The following WDFY4 variants were observed in gnomAD, a reference collection of about 807,000 sequenced individuals.
WDFY4 encodes WDFY family member 4.
A neutral mutation model predicts 351.9 loss-of-function variants in WDFY4; 169 were observed. The ratio of observed to expected loss-of-function variants is 0.48; its 90% CI spans 0.42 to 0.55. The LOEUF (loss-of-function observed/expected upper bound fraction) is 0.55, where lower values mean the gene tolerates loss of function less well. Ranked by LOEUF, WDFY4 falls within the 20% of genes least tolerant of loss-of-function variation. The probability of loss-of-function intolerance (pLI) is 0.00; values close to 1 mark genes in which losing one functional copy is unlikely to be tolerated. For synonymous variants in WDFY4, 1,622 were observed against 1,574.6 expected (o/e 1.03, Z -0.71); for missense variants, 3,803 against 3,935.6 (o/e 0.97, Z 0.90).
chr10:48,789,139 T>C (rs541474605), intron 21 of WDFY4, among the ~76,000 whole-genome samples: 2 of 151,926 alleles, frequency 1.3e-5, no homozygotes, highest in South Asian at 4.2e-4. Context: ...TCCTGAGTAG[T>C]TGGGATTACA....
At chr10:48,948,479 C>T (rs940388702) in intron 51 of WDFY4, among the ~76,000 whole-genome samples, 1 of 152,182 alleles carries the variant, frequency 6.6e-6, no homozygotes, top group African/African-American at 2.4e-5. Flanking sequence ...TTGGAGTTTC[C>T]TGTTGCCCCT....
At chr10:48,909,385 TA>T (rs1837804478) in intron 47 of WDFY4, 2 of 152,234 alleles carry the variant, frequency 1.3e-5, no homozygotes, top group African/African-American at 4.8e-5. Context: ...TAGTATTTTT[TA>T]GCATATTTTT....
chr10:48,913,913 G>A (rs760051660), intron 47 of WDFY4: 1 of 1,614,154 alleles, frequency 6.2e-7, no homozygotes, highest in Non-Finnish European at 8.5e-7. Context: ...TGTAGTTGCT[G>A]TGCAGGTCCA....
intron 13 of WDFY4, 68 bp downstream of exon 13, chr10:48,760,508 C>T: frequency 6.8e-7 from 1 of 1,479,326 alleles, no homozygotes. Flanking sequence ...CCTTCTGACC[C>T]AAGACAGCTT....
chr10:48,741,448 G>T (rs992403462), intron 11 of WDFY4, among the ~76,000 whole-genome samples: 1 of 56,074 alleles, frequency 1.8e-5, no homozygotes, highest in Admixed American at 3.3e-4. Flanking sequence ...GCAAGACTCC[G>T]TCTCAAAAAA....
chr10:48,780,013 T>C lies in WDFY4; in HGVS notation c.3470T>C (p.Leu1157Pro), dbSNP rs1460882839. 6.4e-7 allele frequency: 1 copy of C among 1,551,872 alleles called. No individual in the cohort carries two copies. Among genetic ancestry groups the C allele is most frequent in the South Asian group, 1.2e-5 (1 of 84,066 alleles). ...CQLQVRCGQL[L>P]ACGQWHHLAV... ...CTTCAGGTCAGGTGTGGCCAGCTCC[T>C]GGCTTGTGGTCAGTGGCATCACTTG... The change falls in exon 19 of 62, where the codon CTG becomes CCG. Residue 1157 changes from leucine (L) to proline (P), a missense_variant. Transcript: ENST00000325239.
chr10:48,798,212 C>T (rs1420626436), intron 24 of WDFY4, among the ~76,000 whole-genome samples: 7 of 152,020 alleles, frequency 4.6e-5, no homozygotes, highest in Middle Eastern at 3.4e-3. Context: ...TTCGGTTCAA[C>T]GTCTAACTTC....
Position 48,796,404 on chromosome 10 carries a change from C to G in WDFY4, c.4364C>G (p.Ala1455Gly). The change falls in exon 24 of 62, where the codon GCT becomes GGT. Residue 1455 changes from alanine to glycine, a missense_variant. Coordinates refer to ENST00000325239, the MANE Select transcript of WDFY4 (RefSeq NM_001394531.1). ...GTGGAGCTGGGCTTCAGGTCATCTG[C>G]TATCACCAACACTGGTGTCTTCCAG... ...GTVELGFRSS[A>G]ITNTGVFQHI... 6.4e-7 allele frequency: 1 copy of G among 1,552,134 alleles called. No individual in the cohort carries two copies. The highest frequency in any genetic ancestry group is 8.7e-7 in the Non-Finnish European group (1 of 1,147,104).
At position 48,975,289 on chromosome 10, in the gene WDFY4, A is replaced by G. The variant is rs1242060864; in HGVS notation, c.9108+248A>G. 4 of 601,152 alleles carry G rather than the reference A, an allele frequency of 6.7e-6. No homozygotes were observed. In the East Asian group the frequency reaches 1.2e-4, roughly 18 times the overall value. 37.2% of individuals were successfully genotyped at this position (601,152 alleles called of 1,614,324 possible). On this transcript the variant is annotated intron_variant, in intron 58 of 61. Transcript: ENST00000325239. ...AAGTGTCTGCTTTGCTGCGGGCACC[A>G]GGGGGCTGCAGCTGAAAAATTGGCT...
intron 57 of WDFY4, among the ~76,000 whole-genome samples, chr10:48,973,955 T>A (rs1252768438): frequency 2.6e-5 from 4 of 152,200 alleles, no homozygotes; most frequent in African/African-American, 9.6e-5. Flanking sequence ...CCTCCCCTTT[T>A]CTTCTTCCCA....
intron 5 of WDFY4, among the ~76,000 whole-genome samples, chr10:48,725,389 T>C (rs986411324): frequency 6.6e-6 from 1 of 151,932 alleles, no homozygotes; most frequent in Non-Finnish European, 1.5e-5. Flanking sequence ...AGAGGGAGGT[T>C]TTGCAAGTCC....
rs1415792273 is a variant in WDFY4, at chr10:48,811,626, A to G, written c.5132A>G (p.His1711Arg). 1.9e-6 allele frequency: 3 copies of G among 1,551,898 alleles called. No homozygotes were observed. Among genetic ancestry groups the G allele is most frequent in the Non-Finnish European group, 2.6e-6 (3 of 1,147,064 alleles). Residue 1711 changes from histidine to arginine, a missense_variant, in exon 30 of 62, where the codon CAC (histidine) becomes CGC (arginine). By Grantham distance (29) the His-to-Arg change is conservative. Transcript: ENST00000325239. ...GTCTTGAATGACTTTCTGGCCCACC[A>G]CGTCCACATTCCAGAGGTCTACCTC... The part of the protein sequence containing the change: ...FRVLNDFLAH[H>R]VHIPEVYLIV...
At chr10:48,769,594 G>A (rs940612045) in intron 13 of WDFY4, among the ~76,000 whole-genome samples, 3 of 152,160 alleles carry the variant, frequency 2.0e-5, no homozygotes, top group Non-Finnish European at 4.4e-5. Flanking sequence ...CAGGCACTGG[G>A]CCTCTCTGGT....
At chr10:48,871,177 C>T (rs12260981) in intron 40 of WDFY4, among the ~76,000 whole-genome samples, 3,723 of 152,202 alleles carry the variant, frequency 0.024, 159 homozygotes, top group African/African-American at 0.084. Flanking sequence ...CCTCGTGATC[C>T]GCCTGCCTCA....
At chr10:48,743,892 G>C (rs529119778) in intron 12 of WDFY4, among the ~76,000 whole-genome samples, 1 of 152,230 alleles carries the variant, frequency 6.6e-6, no homozygotes, top group African/African-American at 2.4e-5. Context: ...GGGTGTGCCA[G>C]GCAGCCTCGG....
chr10:48,964,048 C>G lies in WDFY4; in HGVS notation c.8430C>G (p.Pro2810=). The G allele has an allele frequency of 6.5e-7, 1 of 1,549,708 alleles. No homozygotes were observed. Among genetic ancestry groups the G allele is most frequent in the Non-Finnish European group, 8.7e-7 (1 of 1,146,874 alleles). The change falls in exon 54 of 62, where the codon CCC becomes CCG. Residue 2810 remains proline, a synonymous_variant. Coordinates refer to ENST00000325239, the MANE Select transcript of WDFY4 (RefSeq NM_001394531.1). ...TTGTCAGCAACTTTGGACAGGTGCC[C>G]AAACAGGTACAGCATGCCTTGTCAT... is the stretch of plus-strand genomic sequence containing the variant. ...LGFVSNFGQV[P]KQLFTKPHPA... is the part of the protein sequence containing the mutation.
intron 1 of WDFY4, among the ~76,000 whole-genome samples, chr10:48,691,006 C>A (rs2063179396): frequency 6.6e-6 from 1 of 152,210 alleles, no homozygotes; most frequent in Admixed American, 6.5e-5. Flanking sequence ...CCCCTGCTGC[C>A]TTCCATGGTG....
intron 12 of WDFY4, among the ~76,000 whole-genome samples, chr10:48,757,605 A>C (rs2065374758): frequency 6.6e-6 from 1 of 151,752 alleles, no homozygotes; most frequent in Non-Finnish European, 1.5e-5. Flanking sequence ...GATGTGTTTG[A>C]ATTTAGGTTC....
intron 39 of WDFY4, among the ~76,000 whole-genome samples, chr10:48,833,172 TGAGAGA>T (rs35354863): frequency 1.6e-4 from 22 of 135,814 alleles, no homozygotes; most frequent in African/African-American, 3.9e-4. Context: ...TGTGTGTGTG[TGAGAGA>T]GAGAGAGAGA....
Sources: allele counts gnomAD v4.1 joint callset (sites outside exome capture counted in the v4.1 genomes callset), GRCh38; gene constraint gnomAD v4.1.1; transcripts MANE v1.5; gene names NCBI Gene and HGNC (gene_info 2026-07-23, HGNC 2026-07-21).